TENM4: variants seen among roughly 807,000 people sequenced by gnomAD.
TENM4 encodes teneurin-4.
TENM4 carries 82 observed loss-of-function variants against 243.3 expected under a neutral mutation model. The ratio of observed to expected loss-of-function variants is 0.34; its 90% CI spans 0.28 to 0.40. The LOEUF (loss-of-function observed/expected upper bound fraction) is 0.40. TENM4 is among the 10% of genes least tolerant of loss of function. The pLI, the probability that TENM4 is intolerant of heterozygous loss-of-function variation, is 1.00. For synonymous variants in TENM4, 1,412 were observed against 1,456.3 expected (o/e 0.97, Z 0.69); for missense variants, 3,138 against 3,673.3 (o/e 0.85, Z 3.77).
At chr11:78,676,481 G>T in intron 29 of TENM4, 94 bp from the exon 30 acceptor site, 2 of 995,102 alleles carry the variant, frequency 2.0e-6, no homozygotes, top group Non-Finnish European at 2.8e-6. Context: ...TTTAAAGGAT[G>T]CTTTTCCTAA....
At chr11:79,412,902 A>G (rs1222186992) in intron 1 of TENM4, among the ~76,000 whole-genome samples, 1 of 152,222 alleles carries the variant, frequency 6.6e-6, no homozygotes, top group African/African-American at 2.4e-5. Flanking sequence ...CAGTATTAAG[A>G]ATGGAACTAG....
chr11:79,310,813 G>C (rs2135412838), intron 1 of TENM4, among the ~76,000 whole-genome samples: 1 of 152,270 alleles, frequency 6.6e-6, no homozygotes, highest in Admixed American at 6.5e-5. Flanking sequence ...GATGATTATG[G>C]GGGATGGCTG....
intron 7 of TENM4, among the ~76,000 whole-genome samples, chr11:78,899,893 C>G (rs1248308469): frequency 1.3e-5 from 2 of 152,184 alleles, no homozygotes; most frequent in Non-Finnish European, 2.9e-5. Flanking sequence ...AACTGTAAGC[C>G]AAATAAATCC....
intron 3 of TENM4, among the ~76,000 whole-genome samples, chr11:79,157,000 C>T (rs1422379548): frequency 6.6e-6 from 1 of 152,104 alleles, no homozygotes; most frequent in Non-Finnish European, 1.5e-5. Flanking sequence ...GCATGACACA[C>T]AAGGATGCTC....
At chr11:79,118,362 T>C (rs1861665236) in intron 4 of TENM4, among the ~76,000 whole-genome samples, 1 of 152,226 alleles carries the variant, frequency 6.6e-6, no homozygotes, top group African/African-American at 2.4e-5. Context: ...AAAGAAGATA[T>C]TACCTAATCC....
intron 9 of TENM4, among the ~76,000 whole-genome samples, chr11:78,882,535 G>A (rs866370039): frequency 5.3e-5 from 8 of 152,174 alleles, no homozygotes; most frequent in Admixed American, 3.9e-4. Flanking sequence ...ATGGGGGAGT[G>A]AAACTCCATT....
chr11:79,067,349 T>C (rs1392178201), intron 5 of TENM4, among the ~76,000 whole-genome samples: 2 of 138,276 alleles, frequency 1.4e-5, no homozygotes, highest in East Asian at 2.2e-4. Flanking sequence ...TCACACTCCC[T>C]GGCCGCTCTC....
At chr11:79,139,910 G>A (rs1463011764) in intron 4 of TENM4, among the ~76,000 whole-genome samples, 2 of 148,252 alleles carry the variant, frequency 1.3e-5, no homozygotes, top group Non-Finnish European at 3.0e-5. Context: ...GATGGCATAA[G>A]TGAGTGCTAT....
chr11:79,247,189 G>A (rs988261507), intron 2 of TENM4, among the ~76,000 whole-genome samples: 18 of 151,774 alleles, frequency 1.2e-4, no homozygotes, highest in African/African-American at 4.4e-4. Context: ...GGTTAAGGTG[G>A]GCAGATTACC....
intron 25 of TENM4, among the ~76,000 whole-genome samples, chr11:78,715,344 G>T (rs1859497752): frequency 6.6e-6 from 1 of 152,036 alleles, no homozygotes. Context: ...TCATTTCTTT[G>T]CACATCACTC....
chr11:79,080,681 C>G (rs570111819), intron 4 of TENM4, among the ~76,000 whole-genome samples: 3 of 152,324 alleles, frequency 2.0e-5, no homozygotes, highest in Admixed American at 1.3e-4. Context: ...GCCCCAAGTA[C>G]AGCTGGCTGT....
At chr11:79,225,269 C>T (rs972732582) in intron 2 of TENM4, among the ~76,000 whole-genome samples, 13 of 152,184 alleles carry the variant, frequency 8.5e-5, no homozygotes, top group South Asian at 4.1e-4. Context: ...GAAGCTTACA[C>T]GCCTAAGAAA....
intron 31 of TENM4, among the ~76,000 whole-genome samples, chr11:78,671,214 C>A (rs1440113077): frequency 6.6e-6 from 1 of 152,186 alleles, no homozygotes; most frequent in Non-Finnish European, 1.5e-5. Context: ...ACAATAGTCT[C>A]CTTGTGTGGC....
chr11:79,113,895 C>T (rs1229024245), intron 4 of TENM4, among the ~76,000 whole-genome samples: 1 of 152,090 alleles, frequency 6.6e-6, no homozygotes, highest in Non-Finnish European at 1.5e-5. Context: ...CTTGTTGTTG[C>T]CTGCACAACT....
intron 4 of TENM4, among the ~76,000 whole-genome samples, chr11:79,080,944 T>C (rs775233303): frequency 2.0e-5 from 3 of 152,176 alleles, no homozygotes; most frequent in Non-Finnish European, 4.4e-5. Context: ...GAGAGGCTGA[T>C]TAATCACACG....
intron 1 of TENM4, among the ~76,000 whole-genome samples, chr11:79,409,392 C>G (rs1858650927): frequency 6.6e-6 from 1 of 152,014 alleles, no homozygotes; most frequent in Non-Finnish European, 1.5e-5. Flanking sequence ...TAAGGCTATT[C>G]ACAGGTTCAT....
intron 14 of TENM4, among the ~76,000 whole-genome samples, chr11:78,806,777 G>A (rs1298136252): frequency 4.6e-5 from 7 of 152,104 alleles, no homozygotes; most frequent in Non-Finnish European, 1.0e-4. Flanking sequence ...ATACTGTTGG[G>A]CAACCATCAC....
chr11:78,767,372 G>A (rs1341410092), intron 18 of TENM4, among the ~76,000 whole-genome samples: 1 of 152,192 alleles, frequency 6.6e-6, no homozygotes, highest in Non-Finnish European at 1.5e-5. Context: ...AAGTTATTAC[G>A]CTCTCGTAAG....
intron 14 of TENM4, 96 bp downstream of exon 14, chr11:78,812,026 C>T: frequency 3.5e-6 from 5 of 1,444,546 alleles, no homozygotes; most frequent in Non-Finnish European, 4.6e-6. Flanking sequence ...CAAAATGGCT[C>T]AGGAGGCTTC....
Sources: allele counts gnomAD v4.1 joint callset (sites outside exome capture counted in the v4.1 genomes callset), GRCh38; gene constraint gnomAD v4.1.1; transcripts MANE v1.5; gene names NCBI Gene and HGNC (gene_info 2026-07-23, HGNC 2026-07-21).